Variants in KIR2DL4 observed in about 807,000 individuals in gnomAD.
The protein encoded by KIR2DL4 is killer cell immunoglobulin-like receptor 2DL4.
In KIR2DL4, 41 loss-of-function variants were observed where a neutral mutation model predicts 31.0. The ratio of observed to expected loss-of-function variants is 1.32; its 90% CI spans 1.03 to 1.72. KIR2DL4 has a LOEUF of 1.72. Ranked by LOEUF, KIR2DL4 falls within the 40% of genes most tolerant of loss-of-function variation. The probability of loss-of-function intolerance (pLI) is 0.00; values close to 1 mark genes in which losing one functional copy is unlikely to be tolerated. For missense variants in KIR2DL4, 438 were observed against 353.7 expected (o/e 1.24, Z -1.91); for synonymous variants, 164 against 133.6 (o/e 1.23, Z -1.57).
At chr19:54,808,382 T>C (rs2060652910) in intron 4 of KIR2DL4, among the ~76,000 whole-genome samples, 1 of 151,336 alleles carries the variant, frequency 6.6e-6, no homozygotes, top group Non-Finnish European at 1.5e-5. Context: ...TTGTGTATGG[T>C]GAGAGGTAGA....
At chr19:54,804,156 C>CTCATGAACTAGTAAG (rs2060353412) in intron 2 of KIR2DL4, among the ~76,000 whole-genome samples, 39 of 150,168 alleles carry the variant, frequency 2.6e-4, no homozygotes, top group South Asian at 4.3e-4. Context: ...CTGGTATGCT[C>CTCATGAACTAGTAAG]AGCCCTCTGT....
At chr19:54,807,466 TC>T (rs2060596452) in intron 4 of KIR2DL4, among the ~76,000 whole-genome samples, 2 of 151,338 alleles carry the variant, frequency 1.3e-5, no homozygotes, top group Non-Finnish European at 2.9e-5. Flanking sequence ...ACATAGCGTT[TC>T]ACTCTTGTTG....
In KIR2DL4 at chr19:54,812,352, A is replaced by C. The variant is rs1456571866; in HGVS notation, c.707-773A>C. On this transcript the variant is annotated intron_variant, in intron 5 of 7. Coordinates refer to ENST00000359085, the Ensembl canonical transcript of KIR2DL4. ...TGCACTGTAGCTGGGGGAAGCCAGA[A>C]AGCAGCCCAGCCTGGGTTTTGTACC... 4.0e-5 allele frequency among the ~76,000 whole-genome samples: 6 copies of C among 151,344 alleles called. 1 individual carries two copies. Among genetic ancestry groups the C allele is most frequent in the African/African-American group, 1.5e-4 (6 of 40,956 alleles).
At chr19:54,809,948 G>T (rs548246951) in intron 5 of KIR2DL4, among the ~76,000 whole-genome samples, 2 of 149,494 alleles carry the variant, frequency 1.3e-5, no homozygotes, top group African/African-American at 5.0e-5. Context: ...GAATATTTTG[G>T]GGTGGGGCGG....
intron 5 of KIR2DL4, 125 bp downstream of exon 5, chr19:54,809,008 C>T (rs2060696812): frequency 7.4e-6 from 6 of 816,200 alleles, no homozygotes; most frequent in Admixed American, 1.8e-5. Context: ...TGTCTCTGAA[C>T]CCCAGACACT....
chr19:54,807,628 G>A (rs1226857760), intron 4 of KIR2DL4, among the ~76,000 whole-genome samples: 1 of 149,130 alleles, frequency 6.7e-6, no homozygotes, highest in African/African-American at 2.5e-5. Flanking sequence ...AGTAGAGACG[G>A]GGTTTCACCA....
rs564135163 is a variant in KIR2DL4, at chr19:54,810,590, A to G, written c.706+1707A>G. ...ACAGCTGTCAGCCGTGAAGGCACAA[A>G]GGTGAAAACAATGTTATGTGGAAGG... is the stretch of plus-strand genomic sequence containing the variant. On this transcript the variant is annotated intron_variant, in intron 5 of 7. Coordinates refer to ENST00000359085, the Ensembl canonical transcript of KIR2DL4. Among the ~76,000 whole-genome samples the G allele has an allele frequency of 2.8e-4, 42 of 151,660 alleles. 2 individuals carry two copies. The highest frequency in any genetic ancestry group is 9.7e-4 in the African/African-American group (40 of 41,184).
rs1483851335 is a variant in KIR2DL4 at position 54,813,934 on chromosome 19, G to A, written c.*134G>A. ...GAAAAATCACTGGCCCTTCTCAGAG[G>A]AGCAAGAGACCCTCAACAGATACCA... On this transcript the variant is annotated 3_prime_UTR_variant, in exon 8 of 8. Transcript: ENST00000359085. 4.1e-5 allele frequency: 66 copies of A among 1,612,392 alleles called. 1 individual carries two copies. The South Asian group carries it at 6.7e-4, about 16-fold the overall frequency.
intron 6 of KIR2DL4, chr19:54,813,436 C>T: frequency 1.3e-6 from 1 of 777,532 alleles, no homozygotes; most frequent in South Asian, 1.7e-5. Context: ...TCCTCACGTC[C>T]CCTGCAGCCA....
In KIR2DL4 at chr19:54,804,801, G is replaced by A. The variant is rs1451843154; in HGVS notation, c.85G>A (p.Asp29Asn). 5.0e-6 allele frequency: 8 copies of A among 1,611,974 alleles called. No homozygotes were observed. The highest frequency in any genetic ancestry group is 6.8e-6 in the Non-Finnish European group (8 of 1,179,602). The change falls in exon 3 of 8, where the codon GAC becomes AAC. Residue 29 changes from aspartate (D) to asparagine (N), a missense_variant. Asp to Asn is a conservative substitution (Grantham distance 23, BLOSUM62 1). Transcript: ENST00000359085. ...ATCTCCTTCTCCCCAAGGTGGTCAG[G>A]ACAAGCCCTTCTGCTCTGCCTGGCC...
At position 54,810,270 on chromosome 19, in the gene KIR2DL4, C is replaced by T. The variant is rs1362172156; in HGVS notation, c.706+1387C>T. On this transcript the variant is annotated intron_variant, in intron 5 of 7. Coordinates refer to ENST00000359085, the Ensembl canonical transcript of KIR2DL4. The stretch of plus-strand genomic sequence containing the variant: ...AGAGGCTGGGATTACACCCATGTCC[C>T]ACCACGCCTGGCTAATTTTTTTTTG... Among the ~76,000 whole-genome samples, 25 of 147,886 alleles carry T rather than the reference C, an allele frequency of 1.7e-4. No homozygotes were observed. In the South Asian group the frequency reaches 5.3e-3, roughly 32 times the overall value.
intron 4 of KIR2DL4, 34 bp downstream of exon 4, chr19:54,806,278 G>T: frequency 1.9e-6 from 3 of 1,595,822 alleles, no homozygotes; most frequent in Non-Finnish European, 1.7e-6. Flanking sequence ...CATGTCCTAT[G>T]GTCCTAGAGC....
Position 54,812,556 on chromosome 19 carries a change from T to C in KIR2DL4, c.707-569T>C, listed in dbSNP as rs1159478989. Among the ~76,000 whole-genome samples the C allele has an allele frequency of 1.1e-4, 17 of 150,016 alleles. 1 individual carries two copies. Among genetic ancestry groups the C allele is most frequent in the Admixed American group, 2.0e-4 (3 of 15,078 alleles). On this transcript the variant is annotated intron_variant, in intron 5 of 7. Transcript: ENST00000359085. ...CTGGGTATCTTCTAAAGAAAAGAGATGTGTTTGGCTCACTGATCTGCACGC... is the reference window on the plus strand; with the variant it reads ...CTGGGTATCTTCTAAAGAAAAGAGACGTGTTTGGCTCACTGATCTGCACGC...
chr19:54,814,228 T>C, exon 8 of KIR2DL4: 1 of 1,180,348 alleles, frequency 8.5e-7, no homozygotes, highest in Non-Finnish European at 1.2e-6. Flanking sequence ...ACACACTCCT[T>C]TGCTTAGCCC....
chr19:54,813,739 G>A lies in KIR2DL4; in HGVS notation c.*38G>A, dbSNP rs199823119. On this transcript the variant is annotated 3_prime_UTR_variant, in exon 7 of 8. Transcript: ENST00000359085. The stretch of plus-strand genomic sequence containing the variant: ...CTGCGGGACACAGAACAGTGAACAG[G>A]GAGGTAGGTCCTCCTAGCCCAGCCT... The A allele has an allele frequency of 6.6e-4, 1,069 of 1,611,666 alleles. 19 individuals are homozygous for A. Among genetic ancestry groups the A allele is most frequent in the Non-Finnish European group, 8.3e-4 (983 of 1,179,530 alleles).
At chr19:54,813,654 C>A in intron 6 of KIR2DL4, 36 bp from the exon 6 acceptor site, 1 of 1,605,338 alleles carries the variant, frequency 6.2e-7, no homozygotes, top group Non-Finnish European at 8.5e-7. Flanking sequence ...CCAGAAGTGC[C>A]CTCCCAGCTG....
chr19:54,805,021 C>A, exon 3 of KIR2DL4: 1 of 1,611,226 alleles, frequency 6.2e-7, no homozygotes. Context: ...GGTTTTCACC[C>A]GCACTCCCCC....
chr19:54,803,876 G>C lies in KIR2DL4; in HGVS notation c.41-15G>C, dbSNP rs367868728. ...GCTGCCGAGATGAATAGTTCATCATGATCTTTCTTTGCAGGGTTCTTCTTG... is the reference window on the plus strand; with the variant it reads ...GCTGCCGAGATGAATAGTTCATCATCATCTTTCTTTGCAGGGTTCTTCTTG... On this transcript the variant is annotated splice_polypyrimidine_tract_variant and intron_variant, in intron 1 of 7. Transcript: ENST00000359085. 9.9e-6 allele frequency: 16 copies of C among 1,608,892 alleles called. No individual in the cohort carries two copies. Among genetic ancestry groups the C allele is most frequent in the Non-Finnish European group, 1.4e-5 (16 of 1,177,752 alleles).
At chr19:54,804,831 G>C (rs369994438) in exon 3 of KIR2DL4, 2 of 1,612,268 alleles carry the variant, frequency 1.2e-6, no homozygotes, top group Admixed American at 3.3e-5. Flanking sequence ...CTGGCCCAGC[G>C]CTGTGGTGCC....
Sources: allele counts gnomAD v4.1 joint callset (sites outside exome capture counted in the v4.1 genomes callset), GRCh38; gene constraint gnomAD v4.1.1; transcripts MANE v1.5; gene names NCBI Gene and HGNC (gene_info 2026-07-23, HGNC 2026-07-21).